GRIN2A: variants seen among roughly 807,000 people sequenced by gnomAD.
GRIN2A encodes the protein glutamate ionotropic receptor NMDA type subunit 2A.
A neutral mutation model predicts 113.4 loss-of-function variants in GRIN2A; 22 were observed. The observed-to-expected ratio is 0.19, with a 90% CI of 0.14 to 0.28. The LOEUF (loss-of-function observed/expected upper bound fraction) is 0.28. Ranked by LOEUF, GRIN2A falls within the 10% of genes least tolerant of loss-of-function variation. The probability of loss-of-function intolerance (pLI) is 1.00; values close to 1 mark genes in which losing one functional copy is unlikely to be tolerated. For missense variants in GRIN2A, 1,502 were observed against 1,887.0 expected, an observed-to-expected ratio of 0.80 and a Z score of 3.78; for synonymous variants, 827 against 738.4, an observed-to-expected ratio of 1.12 and a Z score of -1.94.
At chr16:9,940,304 C>T (rs1013868846) in intron 2 of GRIN2A, among the ~76,000 whole-genome samples, 2 of 152,074 alleles carry the variant, frequency 1.3e-5, no homozygotes, top group Admixed American at 1.3e-4. Flanking sequence ...AGAGAAGAAA[C>T]AAGAATAAAT....
At chr16:10,020,536 T>G (rs142800323) in intron 2 of GRIN2A, among the ~76,000 whole-genome samples, 1 of 152,280 alleles carries the variant, frequency 6.6e-6, no homozygotes, top group African/African-American at 2.4e-5. Context: ...CAGCTGTGTG[T>G]GCAATAAATA....
intron 2 of GRIN2A, among the ~76,000 whole-genome samples, chr16:10,127,265 GA>G (rs2048959559): frequency 6.6e-6 from 1 of 151,718 alleles, no homozygotes; most frequent in Non-Finnish European, 1.5e-5. Flanking sequence ...TACAAGATGG[GA>G]AAGTCTTTGG....
intron 10 of GRIN2A, chr16:9,805,384 T>A (rs1466195879): frequency 6.6e-6 from 1 of 152,218 alleles, no homozygotes; most frequent in Admixed American, 6.5e-5. Context: ...CTTGTCTTGA[T>A]GAATTAATGA....
At chr16:10,158,275 G>C (rs777583601) in intron 2 of GRIN2A, among the ~76,000 whole-genome samples, 11 of 152,190 alleles carry the variant, frequency 7.2e-5, no homozygotes, top group Non-Finnish European at 1.3e-4. Flanking sequence ...AAAGTGCTAG[G>C]ATTACAGGCG....
chr16:10,050,613 A>G (rs2047342263), intron 2 of GRIN2A, among the ~76,000 whole-genome samples: 1 of 151,888 alleles, frequency 6.6e-6, no homozygotes, highest in African/African-American at 2.4e-5. Flanking sequence ...CAGGGCTCCC[A>G]CTGATTCTAC....
intron 3 of GRIN2A, among the ~76,000 whole-genome samples, chr16:9,912,274 G>A (rs369808099): frequency 3.3e-5 from 5 of 152,090 alleles, no homozygotes; most frequent in African/African-American, 1.2e-4. Context: ...GATAGCAATG[G>A]TGGTAGTGAT....
chr16:9,866,089 C>A (rs1173894421), intron 4 of GRIN2A, among the ~76,000 whole-genome samples: 1 of 152,134 alleles, frequency 6.6e-6, no homozygotes, highest in Admixed American at 6.5e-5. Flanking sequence ...GTTTTGTCAA[C>A]CCCTGCTCTA....
intron 11 of GRIN2A, among the ~76,000 whole-genome samples, chr16:9,795,551 C>A (rs1902928808): frequency 6.6e-6 from 1 of 152,216 alleles, no homozygotes; most frequent in East Asian, 1.9e-4. Context: ...TTCTTTCTTG[C>A]ATGAGATCCA....
At chr16:9,824,166 G>A (rs1022366194) in intron 9 of GRIN2A, among the ~76,000 whole-genome samples, 1 of 152,206 alleles carries the variant, frequency 6.6e-6, no homozygotes, top group African/African-American at 2.4e-5. Context: ...TGGGAGAAGT[G>A]GCCATCCATT....
At chr16:10,105,072 C>G (rs756721677) in intron 2 of GRIN2A, among the ~76,000 whole-genome samples, 1 of 152,168 alleles carries the variant, frequency 6.6e-6, no homozygotes, top group Non-Finnish European at 1.5e-5. Flanking sequence ...CACTCTGGGT[C>G]TGGAGCCGAA....
chr16:9,888,931 C>G (rs1371610954), intron 4 of GRIN2A, among the ~76,000 whole-genome samples: 1 of 152,014 alleles, frequency 6.6e-6, no homozygotes, highest in East Asian at 1.9e-4. Context: ...ACTAATCTTG[C>G]ATTCCTCAGA....
chr16:9,932,179 G>A (rs1480580134), intron 3 of GRIN2A, among the ~76,000 whole-genome samples: 1 of 152,134 alleles, frequency 6.6e-6, no homozygotes, highest in East Asian at 1.9e-4. Context: ...AAACCTCAGA[G>A]CAAACAATAG....
rs1875206 is a variant in GRIN2A at position 9,965,150 on chromosome 16, A to T, written c.415-26599T>A. Among the ~76,000 whole-genome samples, 9 of 152,124 alleles carry T rather than the reference A, an allele frequency of 5.9e-5. No homozygotes were observed. The South Asian group carries it at 1.0e-3, about 18-fold the overall frequency. On this transcript the variant is annotated intron_variant, in intron 2 of 12. Coordinates refer to ENST00000330684, the MANE Select transcript of GRIN2A (RefSeq NM_001134407.3). ...AGGCAAAAGGTTCTAATAAAGTAAGACTTCTTCACTAAATACTATCAGTTG... is the reference window on the plus strand; with the variant it reads ...AGGCAAAAGGTTCTAATAAAGTAAGTCTTCTTCACTAAATACTATCAGTTG...
chr16:9,937,819 G>C, intron 3 of GRIN2A, 140 bp downstream of exon 3: 1 of 680,168 alleles, frequency 1.5e-6, no homozygotes, highest in Non-Finnish European at 2.6e-6. Flanking sequence ...AGAGAGGAGA[G>C]CAAAATAAAA....
At chr16:9,962,445 G>T (rs913636582) in intron 2 of GRIN2A, among the ~76,000 whole-genome samples, 1 of 152,044 alleles carries the variant, frequency 6.6e-6, no homozygotes, top group Non-Finnish European at 1.5e-5. Flanking sequence ...ATCAAAAAGT[G>T]GGCAAAGGAT....
In GRIN2A at chr16:10,015,268, AAAAG is replaced by A. The variant is rs1165752476; in HGVS notation, c.415-76721_415-76718del. On this transcript the variant is annotated intron_variant, in intron 2 of 12. Coordinates refer to ENST00000330684, the MANE Select transcript of GRIN2A (RefSeq NM_001134407.3). ...ACTTCATCTCAAAAAAAAAAAAAAA[AAAAG>A]AAAAAAAAAAAGAAAAAGAAAGGAA... Among the ~76,000 whole-genome samples, 189 of 111,102 alleles carry A rather than the reference AAAAG, an allele frequency of 1.7e-3. 2 individuals carry two copies. The highest frequency in any genetic ancestry group is 4.5e-3 in the Middle Eastern group (1 of 222). The allele number at this position is 111,102 out of a possible 152,430, so 72.9% of individuals were successfully genotyped here. A position where few individuals can be genotyped will look rare whatever the true frequency, so the allele number is the denominator to read the frequency against.
rs1381161571 is a variant in GRIN2A at position 9,776,276 on chromosome 16, G to C, written c.2357-7187C>G. Among the ~76,000 whole-genome samples, 3 of 121,980 alleles carry C rather than the reference G, an allele frequency of 2.5e-5. No individual in the cohort carries two copies. In the East Asian group the frequency reaches 8.8e-4, roughly 36 times the overall value. The allele number at this position is 121,980 out of a possible 152,430, so 80.0% of individuals were successfully genotyped here. On this transcript the variant is annotated intron_variant, in intron 11 of 12. Coordinates refer to ENST00000330684, the MANE Select transcript of GRIN2A (RefSeq NM_001134407.3). ...ATGGTTTCCTCTACCATAACATCCT[G>C]GATTTTTTTTTTTTTTTTTTGTATA...
intron 4 of GRIN2A, among the ~76,000 whole-genome samples, chr16:9,861,124 C>T (rs1274790972): frequency 6.6e-6 from 1 of 152,146 alleles, no homozygotes; most frequent in African/African-American, 2.4e-5. Context: ...ACCCAGTTAG[C>T]TCATTGGGTG....
chr16:9,920,828 A>G (rs2044345451), intron 3 of GRIN2A, among the ~76,000 whole-genome samples: 1 of 152,172 alleles, frequency 6.6e-6, no homozygotes, highest in African/African-American at 2.4e-5. Context: ...TTTAAAATCC[A>G]GGCAGACAAG....
Sources: allele counts gnomAD v4.1 joint callset (sites outside exome capture counted in the v4.1 genomes callset), GRCh38; gene constraint gnomAD v4.1.1; transcripts MANE v1.5; gene names NCBI Gene and HGNC (gene_info 2026-07-23, HGNC 2026-07-21).